Variants in WDR49 observed in about 807,000 individuals in gnomAD.
The protein encoded by WDR49 is WD repeat domain 49.
A neutral mutation model predicts 119.5 loss-of-function variants in WDR49; 107 were observed. That is an observed-to-expected ratio of 0.90 (90% CI 0.77 to 1.05). The LOEUF (loss-of-function observed/expected upper bound fraction) is 1.05. Ranked by LOEUF, WDR49 falls within the 50% of genes least tolerant of loss-of-function variation. The probability of loss-of-function intolerance (pLI) is 0.00; values close to 1 mark genes in which losing one functional copy is unlikely to be tolerated. For missense variants in WDR49, 1,240 were observed against 1,220.5 expected (o/e 1.02, Z -0.24); for synonymous variants, 425 against 418.8 (o/e 1.01, Z -0.18).
chr3:167,496,646 A>G (rs981012797), intron 18 of WDR49, among the ~76,000 whole-genome samples: 6 of 152,072 alleles, frequency 3.9e-5, no homozygotes, highest in African/African-American at 1.4e-4. Context: ...TCCCCACTTC[A>G]ATGTCAAGAT....
At chr3:167,603,146 T>C (rs111550978) in intron 6 of WDR49, among the ~76,000 whole-genome samples, 2,618 of 152,208 alleles carry the variant, frequency 0.017, 72 homozygotes, top group African/African-American at 0.056. Context: ...CATCAATCAG[T>C]TATATTTAGG....
intron 10 of WDR49, among the ~76,000 whole-genome samples, chr3:167,540,058 G>T (rs753078240): frequency 1.3e-5 from 2 of 152,094 alleles, no homozygotes. Flanking sequence ...TTTCTCAAAA[G>T]CACCACCTCC....
intron 8 of WDR49, among the ~76,000 whole-genome samples, chr3:167,572,707 T>C (rs772476355): frequency 9.9e-5 from 15 of 151,990 alleles, no homozygotes; most frequent in Non-Finnish European, 1.9e-4. Context: ...GAGAGAGAAA[T>C]AAGTTTAGTT....
At chr3:167,588,875 C>T (rs1440463226) in intron 7 of WDR49, among the ~76,000 whole-genome samples, 2 of 151,664 alleles carry the variant, frequency 1.3e-5, no homozygotes, top group African/African-American at 2.4e-5. Context: ...TATTTTCTCC[C>T]GTTCTGTGGG....
chr3:167,630,619 A>G (rs1717328296), intron 2 of WDR49, among the ~76,000 whole-genome samples: 1 of 152,116 alleles, frequency 6.6e-6, no homozygotes, highest in African/African-American at 2.4e-5. Flanking sequence ...TTTAACTTCT[A>G]TACATATGCC....
chr3:167,636,715 G>T (rs1325477614), intron 2 of WDR49, among the ~76,000 whole-genome samples: 1 of 151,782 alleles, frequency 6.6e-6, no homozygotes, highest in Non-Finnish European at 1.5e-5. Context: ...TCACATTGTG[G>T]TTTTGATTTG....
intron 18 of WDR49, among the ~76,000 whole-genome samples, chr3:167,485,198 T>C (rs1350128497): frequency 3.3e-5 from 5 of 151,402 alleles, no homozygotes; most frequent in African/African-American, 4.9e-5. Flanking sequence ...TATTGGGTGG[T>C]TGGGGGGAAG....
At chr3:167,590,059 A>G (rs6444424) in intron 7 of WDR49, among the ~76,000 whole-genome samples, 87,532 of 151,922 alleles carry the variant, frequency 0.58, 27,831 homozygotes, top group African/African-American at 0.86. Flanking sequence ...CTTTTATTAT[A>G]TTGAGTTATG....
chr3:167,525,217 T>A (rs1752591783), intron 15 of WDR49, among the ~76,000 whole-genome samples: 1 of 152,092 alleles, frequency 6.6e-6, no homozygotes, highest in South Asian at 2.1e-4. Context: ...TGTCTATTAT[T>A]GGTGTACAGG....
intron 16 of WDR49, among the ~76,000 whole-genome samples, chr3:167,519,855 A>T (rs1015304835): frequency 1.3e-5 from 2 of 152,170 alleles, no homozygotes; most frequent in Non-Finnish European, 2.9e-5. Context: ...TTCCAGGAAC[A>T]ATAGAAAATA....
chr3:167,576,292 T>C (rs1714251411), intron 7 of WDR49, 141 bp from the exon 8 acceptor site: 1 of 657,916 alleles, frequency 1.5e-6, no homozygotes, highest in Non-Finnish European at 2.6e-6. Flanking sequence ...AATTCTGCCA[T>C]AGCACCTATT....
intron 8 of WDR49, among the ~76,000 whole-genome samples, chr3:167,560,524 C>G (rs1004239719): frequency 6.6e-6 from 1 of 152,112 alleles, no homozygotes; most frequent in East Asian, 1.9e-4. Flanking sequence ...AATAAACTTA[C>G]GAATCTTTCC....
chr3:167,608,486 A>G (rs1307962139), intron 5 of WDR49, among the ~76,000 whole-genome samples: 2 of 152,146 alleles, frequency 1.3e-5, no homozygotes, highest in African/African-American at 2.4e-5. Flanking sequence ...ACAAAACGAC[A>G]TTTATGGGCC....
At chr3:167,514,800 G>A (rs1169078008) in intron 16 of WDR49, among the ~76,000 whole-genome samples, 1 of 151,956 alleles carries the variant, frequency 6.6e-6, no homozygotes, top group Non-Finnish European at 1.5e-5. Flanking sequence ...AAAGATAAAA[G>A]GGATATCACC....
At chr3:167,479,956 C>T (rs1750638317) in intron 18 of WDR49, among the ~76,000 whole-genome samples, 1 of 151,848 alleles carries the variant, frequency 6.6e-6, no homozygotes, top group Non-Finnish European at 1.5e-5. Flanking sequence ...AAAGGCCGGG[C>T]ACGGTGGCTC....
chr3:167,546,787 A>G (rs1712231607), intron 10 of WDR49, among the ~76,000 whole-genome samples: 1 of 151,870 alleles, frequency 6.6e-6, no homozygotes, highest in South Asian at 2.1e-4. Context: ...TCATGTAAAA[A>G]TTGTCATGGA....
At chr3:167,487,839 C>G (rs1267853856) in intron 18 of WDR49, among the ~76,000 whole-genome samples, 4 of 151,920 alleles carry the variant, frequency 2.6e-5, no homozygotes, top group Non-Finnish European at 5.9e-5. Flanking sequence ...CCTTCTCACA[C>G]CAGTCAAAAT....
intron 16 of WDR49, 107 bp downstream of exon 16, chr3:167,522,208 G>C: frequency 9.0e-7 from 1 of 1,115,258 alleles, no homozygotes; most frequent in East Asian, 2.7e-5. Context: ...GAAATCTTGA[G>C]GTAGTCATTG....
chr3:167,605,101 T>TAC (rs1206171899), intron 5 of WDR49, among the ~76,000 whole-genome samples: 7 of 129,974 alleles, frequency 5.4e-5, no homozygotes, highest in African/African-American at 2.7e-4. Context: ...TGTGTATATA[T>TAC]ATACACACAC....
Sources: gnomAD v4.1 joint callset for allele counts (sites outside exome capture counted in the v4.1 genomes callset) on GRCh38, gnomAD v4.1.1 for gene constraint, MANE v1.5 for transcripts, NCBI Gene and HGNC (gene_info 2026-07-23, HGNC 2026-07-21) for gene names.